The following RAD51B variants were observed in gnomAD, a reference collection of about 807,000 sequenced individuals.
RAD51B encodes the protein DNA repair protein RAD51 homolog 2.
In RAD51B, 38 loss-of-function variants were observed where a neutral mutation model predicts 42.2. That is an observed-to-expected ratio of 0.90 (90% CI 0.70 to 1.18). The LOEUF is 1.18. RAD51B is among the 50% of genes most tolerant of loss of function. RAD51B has a pLI of 0.00. For synonymous variants in RAD51B, 154 were observed against 145.2 expected, an observed-to-expected ratio of 1.06 and a Z score of -0.43; for missense variants, 373 against 400.7, an observed-to-expected ratio of 0.93 and a Z score of 0.59.
chr14:68,299,248 TATTATCTC>T (rs1306535533), intron 8 of RAD51B, among the ~76,000 whole-genome samples: 1 of 152,032 alleles, frequency 6.6e-6, no homozygotes, highest in Non-Finnish European at 1.5e-5. Flanking sequence ...ATCGTATGTT[TATTATCTC>T]ATTTAGTCCT....
chr14:68,664,715 C>T (rs1892998287), intron 11 of RAD51B, among the ~76,000 whole-genome samples: 1 of 152,168 alleles, frequency 6.6e-6, no homozygotes. Flanking sequence ...TGCTTATTTG[C>T]TGCTCCAACC....
chr14:68,114,657 G>A (rs1284041646), intron 7 of RAD51B, among the ~76,000 whole-genome samples: 1 of 151,922 alleles, frequency 6.6e-6, no homozygotes, highest in Non-Finnish European at 1.5e-5. Flanking sequence ...CATTGTCATG[G>A]GTTTAATGTA....
intron 7 of RAD51B, among the ~76,000 whole-genome samples, chr14:68,045,634 C>A (rs1315112331): frequency 6.6e-6 from 1 of 152,030 alleles, no homozygotes; most frequent in African/African-American, 2.4e-5. Flanking sequence ...ATGTTCTGTA[C>A]CTGCACATTT....
intron 4 of RAD51B, among the ~76,000 whole-genome samples, chr14:67,863,459 T>A (rs543272052): frequency 6.6e-6 from 1 of 152,290 alleles, no homozygotes; most frequent in South Asian, 2.1e-4. Flanking sequence ...CAGGTGATTC[T>A]GATGCTCACT....
chr14:68,225,550 G>T (rs1337954204), intron 7 of RAD51B, among the ~76,000 whole-genome samples: 25 of 152,198 alleles, frequency 1.6e-4, no homozygotes, highest in Non-Finnish European at 1.5e-5. Flanking sequence ...CAATCAGCTT[G>T]CTGGTCCGTA....
chr14:68,589,934 C>T (rs187117290), intron 10 of RAD51B, among the ~76,000 whole-genome samples: 1 of 152,170 alleles, frequency 6.6e-6, no homozygotes, highest in Non-Finnish European at 1.5e-5. Flanking sequence ...TATTCACACA[C>T]GAACACACAC....
chr14:68,602,320 AC>A (rs1374796395), intron 10 of RAD51B, among the ~76,000 whole-genome samples: 1 of 151,030 alleles, frequency 6.6e-6, no homozygotes, highest in African/African-American at 2.4e-5. Context: ...ATGTTCACAT[AC>A]CCCTCCCAGC....
At chr14:68,146,535 G>T (rs1353954096) in intron 7 of RAD51B, among the ~76,000 whole-genome samples, 1 of 152,068 alleles carries the variant, frequency 6.6e-6, no homozygotes, top group Non-Finnish European at 1.5e-5. Context: ...TGGCTTACTG[G>T]AATGCCTTGA....
At chr14:68,400,143 T>C (rs1176875933) in intron 8 of RAD51B, among the ~76,000 whole-genome samples, 1 of 152,178 alleles carries the variant, frequency 6.6e-6, no homozygotes, top group East Asian at 1.9e-4. Flanking sequence ...GGGTTTGCCT[T>C]GTGAGCTGAT....
chr14:68,010,342 T>G (rs991195268), intron 7 of RAD51B, among the ~76,000 whole-genome samples: 15 of 151,908 alleles, frequency 9.9e-5, no homozygotes, highest in Non-Finnish European at 2.2e-4. Flanking sequence ...CAAGTCAATA[T>G]ATAATCAACT....
intron 7 of RAD51B, among the ~76,000 whole-genome samples, chr14:67,999,766 G>C (rs532822709): frequency 2.0e-5 from 3 of 152,256 alleles, no homozygotes; most frequent in Non-Finnish European, 4.4e-5. Context: ...GGATAGAGGA[G>C]CAGTTAATTT....
intron 11 of RAD51B, among the ~76,000 whole-genome samples, chr14:68,677,131 C>T (rs1893323629): frequency 6.6e-6 from 1 of 152,180 alleles, no homozygotes; most frequent in African/African-American, 2.4e-5. Flanking sequence ...CTACTGTCCC[C>T]TATTCCAGGT....
chr14:68,512,705 AG>A (rs1885817248), intron 10 of RAD51B, among the ~76,000 whole-genome samples: 1 of 152,172 alleles, frequency 6.6e-6, no homozygotes, highest in Admixed American at 6.5e-5. Context: ...GGTTAAAAAA[AG>A]GACACTGTTC....
At position 68,552,051 on chromosome 14, in the gene RAD51B, GTGTT is replaced by G. The variant is rs141053739; in HGVS notation, c.1037-42424_1037-42421del. ...ATGTTTTGTTTGGCCCATTCTGTGC[GTGTT>G]TGTTTGTTTCTTTAATCAGGAAATT... On this transcript the variant is annotated intron_variant, in intron 10 of 10. Transcript: ENST00000487270. Among the ~76,000 whole-genome samples the G allele has an allele frequency of 8.9e-3, 1,361 of 152,310 alleles. 20 individuals carry two copies. The highest frequency in any genetic ancestry group is 0.031 in the African/African-American group (1,292 of 41,554).
intron 7 of RAD51B, among the ~76,000 whole-genome samples, chr14:68,221,027 A>T (rs183129012): frequency 1.3e-5 from 2 of 152,158 alleles, no homozygotes; most frequent in Non-Finnish European, 2.9e-5. Flanking sequence ...GTTACTCAGG[A>T]GGCTGAGGCA....
intron 7 of RAD51B, among the ~76,000 whole-genome samples, chr14:67,963,129 T>A (rs1362815953): frequency 6.7e-6 from 1 of 149,614 alleles, no homozygotes; most frequent in Non-Finnish European, 1.5e-5. Context: ...AGAATTGATA[T>A]TTTTTATTTT....
intron 10 of RAD51B, among the ~76,000 whole-genome samples, chr14:68,545,949 T>G (rs1888212392): frequency 6.6e-6 from 1 of 152,182 alleles, no homozygotes; most frequent in African/African-American, 2.4e-5. Flanking sequence ...ACCCCATTAT[T>G]TCCTACCCTG....
chr14:67,999,464 A>T (rs1464899719), intron 7 of RAD51B, among the ~76,000 whole-genome samples: 3 of 152,182 alleles, frequency 2.0e-5, no homozygotes, highest in African/African-American at 7.2e-5. Flanking sequence ...ACAAGAGTGG[A>T]CTGGTATATA....
intron 7 of RAD51B, among the ~76,000 whole-genome samples, chr14:68,065,477 C>T (rs1287743664): frequency 6.6e-6 from 1 of 152,240 alleles, no homozygotes; most frequent in East Asian, 1.9e-4. Flanking sequence ...GCACTGCTTC[C>T]CTAGGGGTGA....
Sources: allele counts gnomAD v4.1 joint callset (sites outside exome capture counted in the v4.1 genomes callset), GRCh38; gene constraint gnomAD v4.1.1; transcripts MANE v1.5; gene names NCBI Gene and HGNC (gene_info 2026-07-23, HGNC 2026-07-21).